Variants in TRPM4 observed in about 807,000 individuals in gnomAD.
TRPM4 encodes transient receptor potential cation channel subfamily M member 4.
TRPM4 carries 124 observed loss-of-function variants against 135.6 expected under a neutral mutation model. That is an observed-to-expected ratio of 0.91 (90% CI 0.79 to 1.06). The LOEUF (loss-of-function observed/expected upper bound fraction) is 1.06, where lower values mean the gene tolerates loss of function less well. Ranked by LOEUF, TRPM4 falls within the 50% of genes least tolerant of loss-of-function variation. The pLI, the probability that TRPM4 is intolerant of heterozygous loss-of-function variation, is 0.00. For synonymous variants in TRPM4, 745 were observed against 705.6 expected, an observed-to-expected ratio of 1.06 and a Z score of -0.88; for missense variants, 1,658 against 1,671.4, an observed-to-expected ratio of 0.99 and a Z score of 0.14.
In TRPM4 at chr19:49,210,338, C is replaced by G; in HGVS notation, c.3261C>G (p.Leu1087=). 1.2e-6 allele frequency: 2 copies of G among 1,614,244 alleles called. No homozygotes were observed. The highest frequency in any genetic ancestry group is 8.5e-7 in the Non-Finnish European group (1 of 1,180,044). Residue 1087 remains leucine, a synonymous_variant, in exon 21 of 25, where the codon CTC becomes CTG. Coordinates refer to ENST00000252826, the MANE Select transcript of TRPM4 (RefSeq NM_017636.4). The surrounding 1 kb of genome is among the most constrained non-coding windows in gnomAD (Gnocchi z 4.1). ...PPFIVISHLR[L]LLRQLCRRPR... ...TTATCGTCATCTCCCACTTGCGCCTCCTGCTCAGGCAATTGTGCAGGCGAC... is the reference window on the plus strand; with the variant it reads ...TTATCGTCATCTCCCACTTGCGCCTGCTGCTCAGGCAATTGTGCAGGCGAC...
chr19:49,208,697 TTA>T (rs1239936147), intron 20 of TRPM4, among the ~76,000 whole-genome samples: 1 of 152,176 alleles, frequency 6.6e-6, no homozygotes, highest in Non-Finnish European at 1.5e-5. Context: ...TCTTGTTATT[TTA>T]TATGTTTTAT....
intron 2 of TRPM4, 148 bp downstream of exon 2, chr19:49,158,407 G>C (rs2041560761): frequency 1.3e-6 from 1 of 771,452 alleles, no homozygotes; most frequent in Non-Finnish European, 2.3e-6. Context: ...CTCCCTCTAG[G>C]AGCGTTTGGG....
intron 19 of TRPM4, among the ~76,000 whole-genome samples, chr19:49,201,335 G>A (rs1968927553): frequency 6.6e-6 from 1 of 152,190 alleles, no homozygotes; most frequent in South Asian, 2.1e-4. Flanking sequence ...GAAGTAACTT[G>A]TGGAATGTTG....
In TRPM4 at chr19:49,187,645, C is replaced by T. The variant is rs186283721; in HGVS notation, c.1744-996C>T. 2.0e-3 allele frequency among the ~76,000 whole-genome samples: 308 copies of T among 152,148 alleles called. 2 individuals are homozygous for T. Among genetic ancestry groups the T allele is most frequent in the African/African-American group, 7.1e-3 (295 of 41,522 alleles). ...ACGTTGCCCGCTGCCTAGACAGAGCCGATTTATCAAAACAAGGAAAGTGTA... is the reference window on the plus strand; with the variant it reads ...ACGTTGCCCGCTGCCTAGACAGAGCTGATTTATCAAAACAAGGAAAGTGTA... On this transcript the variant is annotated intron_variant, in intron 12 of 24. Coordinates refer to ENST00000252826, the MANE Select transcript of TRPM4 (RefSeq NM_017636.4).
rs752953913 is a variant in TRPM4, at chr19:49,183,093, G to A, written c.1624G>A (p.Asp542Asn). The A allele has an allele frequency of 6.2e-7, 1 of 1,612,734 alleles. No individual in the cohort carries two copies. The highest frequency in any genetic ancestry group is 8.5e-7 in the Non-Finnish European group (1 of 1,180,010). The change falls in exon 12 of 25, where the codon GAC becomes AAC. Residue 542 changes from aspartate (D) to asparagine (N), a missense_variant. By Grantham distance (23) the Asp-to-Asn change is conservative (BLOSUM62 1). Around this residue, in one of 3 missense-constraint regions of TRPM4, gnomAD observed 1,412 missense variants for 1,408.7 expected, o/e 1.00. Coordinates refer to ENST00000252826, the MANE Select transcript of TRPM4 (RefSeq NM_017636.4). ...TTGCTGGCAGATGTATCTGCTCTCG[G>A]ACAAGGCCACCTCGCCGCTCTCGCT... is the stretch of plus-strand genomic sequence containing the variant. ...GFGESMYLLS[D>N]KATSPLSLDA... is the part of the protein sequence containing the mutation.
At chr19:49,182,959 G>A (rs767805663) in intron 11 of TRPM4, 37 bp downstream of exon 11, 18 of 1,584,736 alleles carry the variant, frequency 1.1e-5, no homozygotes, top group Admixed American at 1.7e-5. Flanking sequence ...CCCCCCGCGC[G>A]GGAAGGACCT....
Position 49,168,410 on chromosome 19 carries a change from T to G in TRPM4, c.599T>G (p.Leu200Arg). ...PWGVVRNRDT[L>R]INPKGSFPAR... ...GGTGTGGTCCGGAATAGAGACACCC[T>G]CATCAACCCCAAGGTGTGACCCAGG... Residue 200 changes from leucine (L) to arginine (R), a missense_variant, in exon 5 of 25, where the codon CTC becomes CGC. Around this residue, in one of 3 missense-constraint regions of TRPM4, gnomAD observed 1,412 missense variants for 1,408.7 expected, o/e 1.00. Coordinates refer to ENST00000252826, the MANE Select transcript of TRPM4 (RefSeq NM_017636.4). 1 of 1,613,952 alleles carries G rather than the reference T, an allele frequency of 6.2e-7. No individual in the cohort carries two copies. Among genetic ancestry groups the G allele is most frequent in the Non-Finnish European group, 8.5e-7 (1 of 1,180,008 alleles).
chr19:49,199,798 C>T (rs1414753696), intron 17 of TRPM4, among the ~76,000 whole-genome samples: 17 of 152,122 alleles, frequency 1.1e-4, no homozygotes, highest in Non-Finnish European at 2.5e-4. Flanking sequence ...CGCGTCTGTC[C>T]ATACACTAGG....
At chr19:49,193,749 T>G (rs1244863226) in intron 16 of TRPM4, among the ~76,000 whole-genome samples, 1 of 152,194 alleles carries the variant, frequency 6.6e-6, no homozygotes, top group African/African-American at 2.4e-5. Flanking sequence ...TGAAATACCA[T>G]GATGGTTTTC....
Position 49,168,591 on chromosome 19 carries a change from G to A in TRPM4, c.651G>A (p.Pro217=), listed in dbSNP as rs758473371. The A allele has an allele frequency of 9.9e-6, 16 of 1,613,616 alleles. No homozygotes were observed. The highest frequency in any genetic ancestry group is 5.0e-5 in the Admixed American group (3 of 59,990). The change falls in exon 6 of 25, where the codon CCG becomes CCA. Residue 217 remains proline (P), a synonymous_variant. Transcript: ENST00000252826. ...CGAGGTACCGGTGGCGCGGTGACCC[G>A]GAGGACGGGGTCCAGTTTCCCCTGG... is the stretch of plus-strand genomic sequence containing the variant. ...FPARYRWRGD[P]EDGVQFPLDY...
At chr19:49,159,915 T>G (rs914433084) in intron 2 of TRPM4, 1 of 152,248 alleles carries the variant, frequency 6.6e-6, no homozygotes, top group African/African-American at 2.4e-5. Context: ...AGATATGCGC[T>G]TGTTGGACGT....
intron 10 of TRPM4, 70 bp downstream of exon 10, chr19:49,181,531 T>A: frequency 2.2e-3 from 268 of 119,698 alleles, no homozygotes; most frequent in Non-Finnish European, 3.3e-3. Flanking sequence ...CTCTGCCTTC[T>A]TTTTTTTTTT....
rs551634463 is a variant in TRPM4, at chr19:49,165,748, C to T, written c.93-293C>T. Reference sequence around the variant, plus strand: ...GGCACAGGGCACAGCAAGGATACCCCCAGTGGCCCTCTGCCTTCCCACTTG... The same window carrying T: ...GGCACAGGGCACAGCAAGGATACCCTCAGTGGCCCTCTGCCTTCCCACTTG... On this transcript the variant is annotated intron_variant, in intron 2 of 24. Coordinates refer to ENST00000252826, the MANE Select transcript of TRPM4 (RefSeq NM_017636.4). 1.4e-4 allele frequency among the ~76,000 whole-genome samples: 22 copies of T among 152,266 alleles called. No homozygotes were observed. In the East Asian group the frequency reaches 4.3e-3, roughly 29 times the overall value.
chr19:49,166,332 G>T lies in TRPM4; in HGVS notation c.267+117G>T, dbSNP rs573812394. On this transcript the variant is annotated intron_variant, in intron 3 of 24. Coordinates refer to ENST00000252826, the MANE Select transcript of TRPM4 (RefSeq NM_017636.4). ...GGCCCCTCCGCCCATCCCTGTCTTG[G>T]CTCTCTTTGTCCCCTCCGCCCCACC... The T allele has an allele frequency of 6.3e-6, 7 of 1,119,642 alleles. No individual in the cohort carries two copies. The East Asian group carries it at 1.6e-4, about 25-fold the overall frequency. The allele number at this position is 1,119,642 out of a possible 1,614,324, so 69.4% of individuals were successfully genotyped here. A position where few individuals can be genotyped will look rare whatever the true frequency, so the allele number is the denominator to read the frequency against.
chr19:49,196,405 T>G, intron 16 of TRPM4, 35 bp from the exon 17 acceptor site: 1 of 1,504,612 alleles, frequency 6.6e-7, no homozygotes, highest in African/African-American at 1.4e-5. Flanking sequence ...GAGGTCAGAG[T>G]GAGGCCTCCT....
chr19:49,192,953 A>G (rs747232337), intron 16 of TRPM4, among the ~76,000 whole-genome samples: 65 of 152,234 alleles, frequency 4.3e-4, no homozygotes, highest in Non-Finnish European at 6.8e-4. Flanking sequence ...CAGGATCAGT[A>G]ATGGTGTCCT....
chr19:49,196,563 G>T lies in TRPM4; in HGVS notation c.2334G>T (p.Ala778=). The change falls in exon 17 of 25, where the codon GCG becomes GCT. Residue 778 remains alanine, a synonymous_variant. Transcript: ENST00000252826. The part of the protein sequence containing the change: ...CLRRWFHFWG[A]PVTIFMGNVV... ...GCCGCTGGTTCCACTTCTGGGGCGC[G>T]CCGGTGACCATCTTCATGGGCAACG... 1 of 1,554,754 alleles carries T rather than the reference G, an allele frequency of 6.4e-7. No individual in the cohort carries two copies. The highest frequency in any genetic ancestry group is 8.7e-7 in the Non-Finnish European group (1 of 1,152,774).
chr19:49,200,507 A>C, intron 18 of TRPM4, 75 bp downstream of exon 18: 1 of 1,591,174 alleles, frequency 6.3e-7, no homozygotes, highest in Non-Finnish European at 8.5e-7. Flanking sequence ...TGGTCCGTGG[A>C]GAAGGGGCGT....
rs537199372 is a variant in TRPM4, at chr19:49,211,587, T to C, written c.*89T>C. The C allele has an allele frequency of 2.6e-6, 4 of 1,549,732 alleles. No individual in the cohort carries two copies. In the Admixed American group the frequency reaches 6.7e-5, roughly 26 times the overall value. Reference sequence around the variant, plus strand: ...TCTGGGCCTCGGCCCCCGCACCTGGTGGCCTTGTCCTTGAGGTGAGCCCCA... The same window carrying C: ...TCTGGGCCTCGGCCCCCGCACCTGGCGGCCTTGTCCTTGAGGTGAGCCCCA... On this transcript the variant is annotated 3_prime_UTR_variant, in exon 25 of 25. Transcript: ENST00000252826. This position sits in a 1 kb window ranked among gnomAD's most constrained non-coding sequence, Gnocchi z 4.8.
Sources: allele counts gnomAD v4.1 joint callset (sites outside exome capture counted in the v4.1 genomes callset), GRCh38; gene constraint gnomAD v4.1.1; regional missense constraint gnomAD v4.1.1; non-coding constraint Gnocchi (gnomAD v3.1); transcripts MANE v1.5; gene names NCBI Gene and HGNC (gene_info 2026-07-23, HGNC 2026-07-21).